CDC14B: variants seen among roughly 807,000 people sequenced by gnomAD.
CDC14B encodes the protein cell division cycle 14B, also known as dual specificity protein phosphatase CDC14B.
Under a neutral mutation model 64.2 loss-of-function variants are expected in CDC14B, and 22 were observed. The observed-to-expected ratio is 0.34, with a 90% CI of 0.24 to 0.49. The LOEUF is 0.49. Ranked by LOEUF, CDC14B falls within the 20% of genes least tolerant of loss-of-function variation. The pLI is 0.99. For missense variants in CDC14B, 498 were observed against 629.9 expected (o/e 0.79, Z 2.24); for synonymous variants, 191 against 215.8 (o/e 0.89, Z 1.01).
intron 1 of CDC14B, among the ~76,000 whole-genome samples, chr9:96,618,112 G>C (rs570329697): frequency 2.0e-5 from 3 of 152,278 alleles, no homozygotes; most frequent in African/African-American, 7.2e-5. Context: ...ATTTCAAAAC[G>C]AACTTAGTTT....
rs1843677719 is a variant in CDC14B at position 96,564,725 on chromosome 9, C to T, written c.327+52G>A. On this transcript the variant is annotated intron_variant, in intron 3 of 13. Coordinates refer to ENST00000375241, the MANE Select transcript of CDC14B (RefSeq NM_033331.4). ...AAAGAGATGTTTTCCTTACTTTCGT[C>T]CCCCAGATCAAGCTAACAATGATTA... 4 of 1,072,922 alleles carry T rather than the reference C, an allele frequency of 3.7e-6. No individual in the cohort carries two copies. The South Asian group carries it at 6.0e-5, about 16-fold the overall frequency. 66.5% of individuals were successfully genotyped at this position (1,072,922 alleles called of 1,614,324 possible). A position where few individuals can be genotyped will look rare whatever the true frequency, so the allele number is the denominator to read the frequency against.
chr9:96,555,482 G>A (rs540957186), intron 4 of CDC14B, among the ~76,000 whole-genome samples: 106 of 152,324 alleles, frequency 7.0e-4, no homozygotes, highest in African/African-American at 2.5e-3. Flanking sequence ...ACTCCCAGAT[G>A]CCTAACTCAT....
chr9:96,569,480 C>T (rs186516652), intron 1 of CDC14B, among the ~76,000 whole-genome samples: 27 of 152,194 alleles, frequency 1.8e-4, no homozygotes, highest in Admixed American at 5.9e-4. Context: ...TATTACAGGT[C>T]GGGGGAAATC....
intron 1 of CDC14B, chr9:96,566,806 T>C (rs761893869): frequency 6.2e-7 from 1 of 1,606,066 alleles, no homozygotes; most frequent in South Asian, 1.1e-5. Flanking sequence ...CCCCGCGCCC[T>C]CCCGGCTCAT....
At chr9:96,583,287 C>T (rs962292639) in intron 1 of CDC14B, among the ~76,000 whole-genome samples, 8 of 151,846 alleles carry the variant, frequency 5.3e-5, no homozygotes, top group Non-Finnish European at 1.2e-4. Context: ...AGGAATCTAA[C>T]GAGACTGTCT....
intron 1 of CDC14B, among the ~76,000 whole-genome samples, chr9:96,597,452 T>A (rs1200920169): frequency 6.7e-6 from 1 of 149,436 alleles, no homozygotes; most frequent in African/African-American, 2.5e-5. Context: ...CGAGATTGTG[T>A]CATTGCGCTC....
chr9:96,589,852 T>C (rs1421013738), intron 1 of CDC14B, among the ~76,000 whole-genome samples: 2 of 151,464 alleles, frequency 1.3e-5, no homozygotes, highest in Admixed American at 6.6e-5. Context: ...TCCCAGCTAC[T>C]CAGAAGGCTG....
chr9:96,581,668 G>A (rs546972163), intron 1 of CDC14B, among the ~76,000 whole-genome samples: 157 of 152,142 alleles, frequency 1.0e-3, no homozygotes, highest in Non-Finnish European at 2.0e-3. Context: ...TATTAGGTGG[G>A]TTTGAACGTG....
At chr9:96,529,489 C>CATTT (rs1564255829) in intron 9 of CDC14B, among the ~76,000 whole-genome samples, 17 of 145,160 alleles carry the variant, frequency 1.2e-4, no homozygotes, top group African/African-American at 4.3e-4. Context: ...TTGTACTAAG[C>CATTT]CTTTTTTTTT....
chr9:96,566,021 C>G (rs1346167348), intron 1 of CDC14B, among the ~76,000 whole-genome samples: 1 of 152,146 alleles, frequency 6.6e-6, no homozygotes, highest in Non-Finnish European at 1.5e-5. Flanking sequence ...CTTGGAATCA[C>G]TACTTCGGTA....
chr9:96,523,613 A>C lies in CDC14B; in HGVS notation c.1059T>G (p.Ile353Met). Reference sequence around the variant, plus strand: ...TCACCAAAAACTGCTGCTGAGGCCCAATCACCGAGCCAGGTCTGCAGATCC... The same window carrying C: ...TCACCAAAAACTGCTGCTGAGGCCCCATCACCGAGCCAGGTCTGCAGATCC... The part of the protein sequence containing the change: ...WVRICRPGSV[I>M]GPQQQFLVMK... Residue 353 changes from isoleucine to methionine, a missense_variant, in exon 10 of 14, where the codon ATT becomes ATG. By Grantham distance (10) the Ile-to-Met change is conservative. Coordinates refer to ENST00000375241, the MANE Select transcript of CDC14B (RefSeq NM_033331.4). 6.2e-7 allele frequency: 1 copy of C among 1,614,146 alleles called. No individual in the cohort carries two copies. The highest frequency in any genetic ancestry group is 1.3e-5 in the African/African-American group (1 of 75,028).
At chr9:96,585,962 C>A (rs545012913) in intron 1 of CDC14B, among the ~76,000 whole-genome samples, 1 of 152,262 alleles carries the variant, frequency 6.6e-6, no homozygotes, top group South Asian at 2.1e-4. Flanking sequence ...GAGACAGACA[C>A]AAGAGTTTGT....
At position 96,504,658 on chromosome 9, in the gene CDC14B, CT is replaced by C. The variant is rs1402768093; in HGVS notation, c.1461-870del. Among the ~76,000 whole-genome samples the C allele has an allele frequency of 2.6e-5, 4 of 152,272 alleles. No homozygotes were observed. In the East Asian group the frequency reaches 7.7e-4, roughly 29 times the overall value. On this transcript the variant is annotated intron_variant, in intron 13 of 13. Transcript: ENST00000375241. ...TTACAAAGAAACATTTGGAGACAAC[CT>C]TCTGGGACTCCTCTCCTGATGGACT...
chr9:96,519,447 G>A (rs1836298430), intron 12 of CDC14B, among the ~76,000 whole-genome samples: 1 of 151,964 alleles, frequency 6.6e-6, no homozygotes, highest in African/African-American at 2.4e-5. Context: ...TTATAAAAGA[G>A]AAACCGGCCA....
chr9:96,536,222 A>G (rs1179738497), intron 7 of CDC14B, among the ~76,000 whole-genome samples: 1 of 152,208 alleles, frequency 6.6e-6, no homozygotes, highest in African/African-American at 2.4e-5. Context: ...ACACAGCTTC[A>G]TGGAGGTGAA....
chr9:96,584,648 C>G (rs575688985), intron 1 of CDC14B, among the ~76,000 whole-genome samples: 1 of 152,172 alleles, frequency 6.6e-6, no homozygotes, highest in South Asian at 2.1e-4. Context: ...ATAAAACAGA[C>G]TTTATTTTAT....
chr9:96,533,970 A>G lies in CDC14B; in HGVS notation c.903T>C (p.Asp301=). The G allele has an allele frequency of 6.2e-7, 1 of 1,613,152 alleles. No individual in the cohort carries two copies. The highest frequency in any genetic ancestry group is 8.5e-7 in the Non-Finnish European group (1 of 1,179,492). ...PTDAIVKEFL[D]ICENAEGAIA... Reference sequence around the variant, plus strand: ...TGGCACCCTCAGCATTTTCACAGATATCTAGGAATTCTTTGACAATGGCAT... The same window carrying G: ...TGGCACCCTCAGCATTTTCACAGATGTCTAGGAATTCTTTGACAATGGCAT... Residue 301 remains aspartate (D), a synonymous_variant, in exon 9 of 14, where the codon GAT becomes GAC. Coordinates refer to ENST00000375241, the MANE Select transcript of CDC14B (RefSeq NM_033331.4).
chr9:96,570,279 CAT>C (rs1844392880), intron 1 of CDC14B, among the ~76,000 whole-genome samples: 1 of 152,152 alleles, frequency 6.6e-6, no homozygotes, highest in African/African-American at 2.4e-5. Flanking sequence ...AACCATAAAA[CAT>C]AGAAATATGT....
In CDC14B at chr9:96,509,664, T is replaced by C. The variant is rs747003926; in HGVS notation, c.1460+9A>G. On this transcript the variant is annotated intron_variant, in intron 13 of 13. Transcript: ENST00000375241. ...GCAACTTTTCAGAAGAGTAGGATTC[T>C]TTTCTCACCTTTTAACACTGCTTTT... 5 of 1,532,450 alleles carry C rather than the reference T, an allele frequency of 3.3e-6. No individual in the cohort carries two copies. Among genetic ancestry groups the C allele is most frequent in the Non-Finnish European group, 4.5e-6 (5 of 1,106,302 alleles). The allele number at this position is 1,532,450 out of a possible 1,614,324, so 94.9% of individuals were successfully genotyped here.
Sources: allele counts gnomAD v4.1 joint callset (sites outside exome capture counted in the v4.1 genomes callset), GRCh38; gene constraint gnomAD v4.1.1; transcripts MANE v1.5; gene names NCBI Gene and HGNC (gene_info 2026-07-23, HGNC 2026-07-21).